The following GSDMA variants were observed in gnomAD, a reference collection of about 807,000 sequenced individuals.
GSDMA encodes the protein gasdermin-A.
In GSDMA, 55 loss-of-function variants were observed where a neutral mutation model predicts 54.3. That is an observed-to-expected ratio of 1.01 (90% CI 0.82 to 1.27). The LOEUF is 1.27. GSDMA is among the 50% of genes most tolerant of loss of function. The pLI is 0.00. For missense variants in GSDMA, 542 were observed against 542.6 expected, an observed-to-expected ratio of 1.00 and a Z score of 0.01; for synonymous variants, 211 against 224.7, an observed-to-expected ratio of 0.94 and a Z score of 0.54.
At chr17:39,968,567 C>T (rs1292402714) in intron 3 of GSDMA, among the ~76,000 whole-genome samples, 4 of 147,230 alleles carry the variant, frequency 2.7e-5, no homozygotes, top group Admixed American at 6.8e-5. Flanking sequence ...AGGCTGGTCT[C>T]GAACTCCTGA....
At chr17:39,963,471 C>T (rs930999602) in intron 1 of GSDMA, among the ~76,000 whole-genome samples, 1 of 152,188 alleles carries the variant, frequency 6.6e-6, no homozygotes, top group Non-Finnish European at 1.5e-5. Context: ...CTGGTGTGGC[C>T]TCTTCCACCC....
At chr17:39,967,731 G>A (rs1979732097) in intron 3 of GSDMA, among the ~76,000 whole-genome samples, 1 of 152,186 alleles carries the variant, frequency 6.6e-6, no homozygotes, top group Non-Finnish European at 1.5e-5. Flanking sequence ...GGAGTGCAGT[G>A]GTGCAATCTT....
Position 39,970,577 on chromosome 17 carries a change from T to C in GSDMA, c.488T>C (p.Val163Ala), listed in dbSNP as rs778477435. ...VMEVVETVQE[V>A]TLERAGKAEA... Reference sequence around the variant, plus strand: ...GAGGTGGTGGAGACGGTGCAGGAGGTCACACTGGAGCGAGCCGGCAAGGCA... The same window carrying C: ...GAGGTGGTGGAGACGGTGCAGGAGGCCACACTGGAGCGAGCCGGCAAGGCA... Residue 163 changes from valine (V) to alanine (A), a missense_variant, in exon 4 of 12, where the codon GTC (valine) becomes GCC (alanine). Transcript: ENST00000301659. The C allele has an allele frequency of 3.7e-6, 6 of 1,606,888 alleles. No individual in the cohort carries two copies. In the East Asian group the frequency reaches 1.1e-4, roughly 30 times the overall value.
rs767159876 is a variant in GSDMA, at chr17:39,965,851, G to T, written c.164G>T (p.Arg55Leu). Residue 55 changes from arginine to leucine, a missense_variant, in exon 2 of 12, where the codon CGC becomes CTC. Arg to Leu is a moderately radical substitution (Grantham distance 102). Transcript: ENST00000301659. The stretch of plus-strand genomic sequence containing the variant: ...CTCTTCTGGGGGGCCCGGTACGTCC[G>T]CACCGACTACACGCTGCTGGATGTG... ...STLFWGARYV[R>L]TDYTLLDVLE... The T allele has an allele frequency of 7.6e-5, 119 of 1,567,972 alleles. No homozygotes were observed. Among genetic ancestry groups the T allele is most frequent in the Non-Finnish European group, 9.6e-5 (111 of 1,156,984 alleles).
intron 11 of GSDMA, 71 bp downstream of exon 11, chr17:39,976,068 C>T (rs1161359624): frequency 8.5e-7 from 1 of 1,178,960 alleles, no homozygotes; most frequent in Admixed American, 2.0e-5. Flanking sequence ...CAGATTTCGC[C>T]TAAGGATGGA....
chr17:39,977,142 G>A lies in GSDMA; in HGVS notation c.*84G>A. The A allele has an allele frequency of 6.7e-7, 1 of 1,494,782 alleles. No homozygotes were observed. The highest frequency in any genetic ancestry group is 1.2e-5 in the South Asian group (1 of 81,034). The allele number at this position is 1,494,782 out of a possible 1,614,324, so 92.6% of individuals were successfully genotyped here. A position where few individuals can be genotyped will look rare whatever the true frequency, so the allele number is the denominator to read the frequency against. On this transcript the variant is annotated 3_prime_UTR_variant, in exon 12 of 12. Transcript: ENST00000301659. ...GTCCTTACCACCTAAGGGCATTTCA[G>A]AGCCATCAGCTGAAGACATCTGAAA...
rs1388980745 is a variant in GSDMA at position 39,977,666 on chromosome 17, AAAG to A, written c.*613_*615del. The A allele has an allele frequency of 6.6e-6, 1 of 152,224 alleles. No individual in the cohort carries two copies. Among genetic ancestry groups the A allele is most frequent in the African/African-American group, 2.4e-5 (1 of 41,466 alleles). 9.4% of individuals were successfully genotyped at this position (152,224 alleles called of 1,614,324 possible). ...AGCCGTTTCAGCAAAACTGAGAAAA[AAAG>A]AAGATTAATTAATTTCCTATCCTAA... On this transcript the variant is annotated 3_prime_UTR_variant, in exon 12 of 12. Transcript: ENST00000301659.
chr17:39,968,621 T>A (rs911171905), intron 3 of GSDMA, among the ~76,000 whole-genome samples: 3 of 152,024 alleles, frequency 2.0e-5, no homozygotes, highest in Admixed American at 6.6e-5. Context: ...GTGCTGGGAT[T>A]ACAGGCGTGA....
chr17:39,972,110 C>T lies in GSDMA; in HGVS notation c.656-19C>T. The stretch of plus-strand genomic sequence containing the variant: ...AGCTGCTAAGTGTCCTCCCACCCTC[C>T]CTCCCTTGCCCTTCACAGATATTCC... On this transcript the variant is annotated intron_variant, in intron 5 of 11. Transcript: ENST00000301659. 1.6e-6 allele frequency: 2 copies of T among 1,220,258 alleles called. No individual in the cohort carries two copies. Among genetic ancestry groups the T allele is most frequent in the Non-Finnish European group, 1.2e-6 (1 of 832,390 alleles). The allele number at this position is 1,220,258 out of a possible 1,614,324, so 75.6% of individuals were successfully genotyped here.
At chr17:39,969,320 A>G (rs568126748) in intron 3 of GSDMA, among the ~76,000 whole-genome samples, 3 of 150,984 alleles carry the variant, frequency 2.0e-5, no homozygotes, top group African/African-American at 4.9e-5. Flanking sequence ...ACTGCACTTC[A>G]GCCTGGGCAA....
intron 11 of GSDMA, among the ~76,000 whole-genome samples, chr17:39,976,555 G>A (rs1980208177): frequency 6.6e-6 from 1 of 152,222 alleles, no homozygotes; most frequent in Middle Eastern, 3.2e-3. Context: ...TGGGATTACA[G>A]GTGTGAGCCA....
At chr17:39,968,339 C>CTGTTTTTTTTTTTTTTTT (rs1979766521) in intron 3 of GSDMA, among the ~76,000 whole-genome samples, 1 of 41,358 alleles carries the variant, frequency 2.4e-5, no homozygotes, top group Non-Finnish European at 3.8e-5. Flanking sequence ...TGAGCCCGGT[C>CTGTTTTTTTTTTTTTTTT]TTTTTTTTTT....
chr17:39,965,308 TAAATAAAGAAAG>T (rs1568127006), intron 1 of GSDMA, among the ~76,000 whole-genome samples: 1 of 42,592 alleles, frequency 2.3e-5, no homozygotes, highest in Non-Finnish European at 5.4e-5. Flanking sequence ...GAAAGAGAAA[TAAATAAAGAAAG>T]AAAGAAAGAA....
rs375638354 is a variant in GSDMA, at chr17:39,970,593, C to T, written c.504C>T (p.Ala168=). 43 of 1,600,276 alleles carry T rather than the reference C, an allele frequency of 2.7e-5. No homozygotes were observed. Among genetic ancestry groups the T allele is most frequent in the South Asian group, 2.2e-5 (2 of 89,232 alleles). The change falls in exon 4 of 12, where the codon GCC becomes GCT. Residue 168 remains alanine, a synonymous_variant. Transcript: ENST00000301659. ...ETVQEVTLER[A]GKAEACFSLP... ...TGCAGGAGGTCACACTGGAGCGAGC[C>T]GGCAAGGCAGAGGCCTGCTTCTCCC...
chr17:39,966,577 G>A, intron 3 of GSDMA, 140 bp downstream of exon 3: 1 of 732,684 alleles, frequency 1.4e-6, no homozygotes. Flanking sequence ...GCTCTTGGAG[G>A]CAACCCTTCT....
chr17:39,974,396 A>G lies in GSDMA; in HGVS notation c.875A>G (p.Lys292Arg). Residue 292 changes from lysine (K) to arginine (R), a missense_variant, in exon 9 of 12, where the codon AAG (lysine) becomes AGG (arginine). By Grantham distance (26) the Lys-to-Arg change is conservative. Transcript: ENST00000301659. ...AGCTCCCTCAGCAAACTTCTAGGGA[A>G]GAAAAAGGAGCTACAAGACCTTGAG... is the stretch of plus-strand genomic sequence containing the variant. ...LLSSLSKLLG[K>R]KKELQDLELA... The G allele has an allele frequency of 8.8e-6, 14 of 1,590,266 alleles. No homozygotes were observed. Among genetic ancestry groups the G allele is most frequent in the Non-Finnish European group, 1.2e-5 (14 of 1,168,638 alleles).
At position 39,976,841 on chromosome 17, in the gene GSDMA, TC is replaced by T; in HGVS notation, c.1123del (p.Leu375CysfsTer23). 1.2e-6 allele frequency: 2 copies of T among 1,613,998 alleles called. No individual in the cohort carries two copies. Among genetic ancestry groups the T allele is most frequent in the East Asian group, 4.5e-5 (2 of 44,882 alleles). ...KLVESTMEQN[F>X]LLDKEGVFPL... is the part of the protein sequence containing the mutation. ...GTGGAGAGCACGATGGAACAGAACTTCCTGCTGGATAAAGAGGGTGTTTTCC... is the reference window on the plus strand; with the variant it reads ...GTGGAGAGCACGATGGAACAGAACTTCTGCTGGATAAAGAGGGTGTTTTCC... On this transcript the variant is annotated frameshift_variant, in exon 12 of 12. Transcript: ENST00000301659. LOFTEE classifies it high-confidence loss of function.
chr17:39,964,344 G>A (rs1403372898), intron 1 of GSDMA, among the ~76,000 whole-genome samples: 1 of 152,084 alleles, frequency 6.6e-6, no homozygotes, highest in Admixed American at 6.6e-5. Context: ...CAAGGAGGGC[G>A]GATCATTTGA....
Position 39,972,588 on chromosome 17 carries a change from A to G in GSDMA, c.705A>G (p.Glu235=), listed in dbSNP as rs147122182. Residue 235 remains glutamate, a splice_region_variant and synonymous_variant, in exon 7 of 12, where the codon GAA becomes GAG. Transcript: ENST00000301659. ...GATGTGCATTTTTTCTGTCTTCAGA[A>G]AAGTCAGGAGAGGAGAAGGTCATCC... ...NDNMQTFPPG[E]KSGEEKVILI... is the part of the protein sequence containing the mutation. The G allele has an allele frequency of 5.6e-6, 9 of 1,613,164 alleles. No homozygotes were observed. In the African/African-American group the frequency reaches 1.2e-4, roughly 21 times the overall value.
Sources: gnomAD v4.1 joint callset for allele counts (sites outside exome capture counted in the v4.1 genomes callset) on GRCh38, gnomAD v4.1.1 for gene constraint, MANE v1.5 for transcripts, NCBI Gene and HGNC (gene_info 2026-07-23, HGNC 2026-07-21) for gene names.